DPH6: variants seen among roughly 807,000 people sequenced by gnomAD.
DPH6 encodes the protein diphthine--ammonia ligase.
A neutral mutation model predicts 38.2 loss-of-function variants in DPH6; 33 were observed. The ratio of observed to expected loss-of-function variants is 0.86; its 90% confidence interval spans 0.65 to 1.15. DPH6 has a LOEUF of 1.15. Ranked by LOEUF, DPH6 falls within the 50% of genes most tolerant of loss-of-function variation. The pLI is 0.00. For missense variants in DPH6, 325 were observed against 320.0 expected (o/e 1.02, Z -0.12); for synonymous variants, 108 against 103.0 (o/e 1.05, Z -0.30).
chr15:35,228,383 A>AATTT, intron 3 of DPH6, among the ~76,000 whole-genome samples: 1 of 152,248 alleles, frequency 6.6e-6, no homozygotes. Flanking sequence ...ACAGTGTTAT[A>AATTT]ATATTCTGTG....
At chr15:35,219,307 C>A (rs2051428320) in exon 4 of DPH6, 1 of 152,138 alleles carries the variant, frequency 6.6e-6, no homozygotes, top group African/African-American at 2.4e-5. Flanking sequence ...AAAAATTTAT[C>A]ATTTAGACAC....
intron 6 of DPH6, among the ~76,000 whole-genome samples, chr15:35,409,806 A>G (rs2053341954): frequency 1.3e-5 from 2 of 151,928 alleles, no homozygotes; most frequent in African/African-American, 4.8e-5. Context: ...ATGACATCAA[A>G]TTATCTAGAA....
the DPH6 span, among the ~76,000 whole-genome samples, chr15:35,199,123 T>C: frequency 6.6e-6 from 1 of 152,160 alleles, no homozygotes; most frequent in Non-Finnish European, 1.5e-5. Context: ...TTTTACCATG[T>C]TGGCTAGGCT....
chr15:35,447,859 C>A (rs2053876432), intron 5 of DPH6, among the ~76,000 whole-genome samples: 1 of 152,156 alleles, frequency 6.6e-6, no homozygotes, highest in African/African-American at 2.4e-5. Flanking sequence ...CCTCCTCCCC[C>A]ATCATCTCAT....
chr15:35,220,285 C>T (rs2051434570), exon 4 of DPH6: 1 of 152,134 alleles, frequency 6.6e-6, no homozygotes, highest in African/African-American at 2.4e-5. Context: ...ACATCACCTC[C>T]CAACCTCTCC....
chr15:35,279,068 A>AAAAT lies in DPH6; in HGVS notation n.201-58487_201-58486insATTT, dbSNP rs1555390826. 1.4e-3 allele frequency among the ~76,000 whole-genome samples: 147 copies of AAAAT among 102,924 alleles called. 1 individual carries two copies. Among genetic ancestry groups the AAAAT allele is most frequent in the Middle Eastern group, 5.7e-3 (1 of 176 alleles). 67.5% of individuals were successfully genotyped at this position (102,924 alleles called of 152,430 possible). A position where few individuals can be genotyped will look rare whatever the true frequency, so the allele number is the denominator to read the frequency against. On this transcript the variant is annotated intron_variant and non_coding_transcript_variant, in intron 3 of 3. Transcript: ENST00000560386. ...TGTCTCAAAAAAAAAAAAAAAAAAA[A>AAAAT]ATATATATATATATATAATTTTGGA...
chr15:35,154,509 A>G, the DPH6 span, among the ~76,000 whole-genome samples: 1 of 152,102 alleles, frequency 6.6e-6, no homozygotes, highest in African/African-American at 2.4e-5. Context: ...GGTGGTAATT[A>G]TTGTTCCCAT....
chr15:35,389,114 G>A lies in DPH6; in HGVS notation c.568-7198C>T, dbSNP rs577745686. Among the ~76,000 whole-genome samples the A allele has an allele frequency of 2.9e-3, 448 of 152,302 alleles. 2 individuals are homozygous for A. The highest frequency in any genetic ancestry group is 0.01 in the African/African-American group (419 of 41,550). ...TCGTTATGTACCCAGTAGACATTCA[G>A]GAGCAGGTTGTTCAGTTTCCATGTA... is the stretch of plus-strand genomic sequence containing the variant. On this transcript the variant is annotated intron_variant, in intron 6 of 8. Coordinates refer to ENST00000256538, the MANE Select transcript of DPH6 (RefSeq NM_080650.4).
chr15:35,524,684 A>G (rs1445843629), intron 3 of DPH6, among the ~76,000 whole-genome samples: 1 of 152,190 alleles, frequency 6.6e-6, no homozygotes, highest in Non-Finnish European at 1.5e-5. Context: ...GGATAAAATT[A>G]GAATATATGT....
intron 3 of DPH6, among the ~76,000 whole-genome samples, chr15:35,229,348 T>C (rs1381635438): frequency 2.6e-5 from 4 of 152,060 alleles, no homozygotes; most frequent in African/African-American, 7.2e-5. Flanking sequence ...TTCTTCAGTA[T>C]GCCAATTGCA....
At chr15:35,299,425 G>A in intron 3 of DPH6, 1 of 784,318 alleles carries the variant, frequency 1.3e-6, no homozygotes. Context: ...GGTTTCCTCT[G>A]ATCGTACAGG....
chr15:35,378,888 G>T (rs548414080), intron 7 of DPH6, among the ~76,000 whole-genome samples: 49 of 152,150 alleles, frequency 3.2e-4, no homozygotes, highest in African/African-American at 1.2e-3. Flanking sequence ...ATGGGTTGAT[G>T]GTTGCAGCAA....
chr15:35,507,893 C>T (rs932599367), intron 3 of DPH6, among the ~76,000 whole-genome samples: 12 of 151,700 alleles, frequency 7.9e-5, no homozygotes, highest in Non-Finnish European at 1.5e-4. Context: ...ATATATACAC[C>T]TATATATACA....
chr15:35,174,980 C>T, the DPH6 span, among the ~76,000 whole-genome samples: 2 of 152,140 alleles, frequency 1.3e-5, no homozygotes, highest in African/African-American at 4.8e-5. Flanking sequence ...TTTATGTTTT[C>T]ATCCTCTTAG....
chr15:35,426,736 C>T (rs938032070), intron 5 of DPH6, among the ~76,000 whole-genome samples: 1 of 151,452 alleles, frequency 6.6e-6, no homozygotes, highest in South Asian at 2.1e-4. Context: ...GTTAGCAGCC[C>T]TCTGAGAGAA....
chr15:35,407,923 A>G (rs982503090), intron 6 of DPH6, among the ~76,000 whole-genome samples: 1 of 151,950 alleles, frequency 6.6e-6, no homozygotes, highest in Non-Finnish European at 1.5e-5. Context: ...ACCCACTTAC[A>G]TTTTAAACAA....
chr15:35,462,053 A>C (rs1341384575), intron 3 of DPH6, among the ~76,000 whole-genome samples: 2 of 152,176 alleles, frequency 1.3e-5, no homozygotes, highest in South Asian at 4.1e-4. Flanking sequence ...CAAAAACTTT[A>C]GATTCACTCA....
intron 3 of DPH6, among the ~76,000 whole-genome samples, chr15:35,260,233 G>A (rs530661224): frequency 8.6e-5 from 13 of 152,024 alleles, no homozygotes; most frequent in South Asian, 4.2e-4. Flanking sequence ...TCAGGCTCCC[G>A]AGTAGCTGGG....
At chr15:35,500,602 T>C (rs1337581388) in intron 3 of DPH6, among the ~76,000 whole-genome samples, 9 of 152,220 alleles carry the variant, frequency 5.9e-5, no homozygotes, top group Admixed American at 1.3e-4. Flanking sequence ...ACTTTTTTGT[T>C]CACTGGCATT....
Sources: gnomAD v4.1 joint callset for allele counts (sites outside exome capture counted in the v4.1 genomes callset) on GRCh38, gnomAD v4.1.1 for gene constraint, MANE v1.5 for transcripts, NCBI Gene and HGNC (gene_info 2026-07-23, HGNC 2026-07-21) for gene names.